The following S100B variants were observed in gnomAD, a reference collection of about 807,000 sequenced individuals.
The protein encoded by S100B is protein S100-B.
S100B carries 6 observed loss-of-function variants against 7.7 expected under a neutral mutation model. The ratio of observed to expected loss-of-function variants is 0.78; its 90% CI spans 0.43 to 1.54. The LOEUF is 1.54. Ranked by LOEUF, S100B falls within the 40% of genes most tolerant of loss-of-function variation. S100B has a pLI of 0.01. For synonymous variants in S100B, 36 were observed against 40.4 expected, an observed-to-expected ratio of 0.89 and a Z score of 0.41; for missense variants, 99 against 111.8, an observed-to-expected ratio of 0.89 and a Z score of 0.52.
intron 2 of S100B, among the ~76,000 whole-genome samples, chr21:46,601,643 GC>G (rs1422321415): frequency 2.0e-5 from 3 of 152,186 alleles, no homozygotes; most frequent in African/African-American, 7.2e-5. Context: ...TAAAGTAGGG[GC>G]CCCAACTAAA....
At chr21:46,603,394 G>GGGGTGGGGGGAGGGGGGGGCGGGGGGT (rs1555923747) in intron 1 of S100B, among the ~76,000 whole-genome samples, 1 of 140,708 alleles carries the variant, frequency 7.1e-6, no homozygotes, top group Non-Finnish European at 1.6e-5. Flanking sequence ...ACGGCGGGAG[G>GGGGTGGGGGGAGGGGGGGGCGGGGGGT]GGGTGGGGGC....
rs748602559 is a variant in S100B, at chr21:46,599,473, C to T, written c.169G>A (p.Val57Ile). Residue 57 changes from valine to isoleucine, a missense_variant, in exon 3 of 3, where the codon GTC becomes ATC. Val to Ile is a conservative substitution (Grantham distance 29, BLOSUM62 3). Coordinates refer to ENST00000291700, the MANE Select transcript of S100B (RefSeq NM_006272.3). ...EIKEQEVVDK[V>I]METLDNDGDG... is the part of the protein sequence containing the mutation. ...CCATCATTGTCCAGTGTTTCCATGA[C>T]TTTGTCCACAACCTCCTGCTCTTTG... 1 of 1,614,146 alleles carries T rather than the reference C, an allele frequency of 6.2e-7. No homozygotes were observed. The highest frequency in any genetic ancestry group is 1.7e-5 in the Admixed American group (1 of 60,024).
Position 46,602,139 on chromosome 21 carries a change from A to G in S100B, c.138+139T>C, listed in dbSNP as rs895757382. ...CCCACACTGAGGGTTCCGTTACTCAAACAAGTTTGCAGAAGCAGCCCAGGA... is the reference window on the plus strand; with the variant it reads ...CCCACACTGAGGGTTCCGTTACTCAGACAAGTTTGCAGAAGCAGCCCAGGA... On this transcript the variant is annotated intron_variant, in intron 2 of 2. Coordinates refer to ENST00000291700, the MANE Select transcript of S100B (RefSeq NM_006272.3). The G allele has an allele frequency of 7.9e-6, 6 of 760,736 alleles. No homozygotes were observed. The Admixed American group carries it at 1.4e-4, about 18-fold the overall frequency. 47.1% of individuals were successfully genotyped at this position (760,736 alleles called of 1,614,324 possible).
intron 1 of S100B, among the ~76,000 whole-genome samples, chr21:46,603,398 T>TGGGGGGAGGG: frequency 1.1e-3 from 55 of 52,024 alleles, no homozygotes; most frequent in South Asian, 2.1e-3. Context: ...CGGGAGGGGG[T>TGGGGGGAGGG]GGGGGCAGGA....
intron 2 of S100B, among the ~76,000 whole-genome samples, chr21:46,600,022 T>A (rs2061037144): frequency 6.6e-6 from 1 of 152,200 alleles, no homozygotes. Context: ...TCATGAAACT[T>A]TTTCCTGACA....
At chr21:46,602,706 GAAACTGGCAAAAATACAGAGGC>G (rs1185248457) in intron 1 of S100B, 7 of 281,086 alleles carry the variant, frequency 2.5e-5, no homozygotes, top group Non-Finnish European at 4.7e-5. Context: ...GGCCAACAGG[GAAACTGGCAAAAATACAGAGGC>G]AGAGCAGCAA....
chr21:46,603,522 C>T (rs1043843710), intron 1 of S100B, among the ~76,000 whole-genome samples: 4 of 151,784 alleles, frequency 2.6e-5, no homozygotes, highest in East Asian at 1.9e-4. Context: ...GGGAATGAGG[C>T]GCATTTTACA....
chr21:46,603,392 A>AGGGGGTGGGGGGAGGGGGGGGGGGGGGG (rs796474856), intron 1 of S100B, among the ~76,000 whole-genome samples: 1 of 38,206 alleles, frequency 2.6e-5, no homozygotes, highest in Non-Finnish European at 4.9e-5. Context: ...GGACGGCGGG[A>AGGGGGTGGGGGGAGGGGGGGGGGGGGGG]GGGGGTGGGG....
At position 46,599,337 on chromosome 21, in the gene S100B, A is replaced by T; in HGVS notation, c.*26T>A. On this transcript the variant is annotated 3_prime_UTR_variant, in exon 3 of 3. Coordinates refer to ENST00000291700, the MANE Select transcript of S100B (RefSeq NM_006272.3). Reference sequence around the variant, plus strand: ...TTTCTTGCATGACCGTCTCTGTTACAGGAAAGGTTTGGCTGCTTTCTAATC... The same window carrying T: ...TTTCTTGCATGACCGTCTCTGTTACTGGAAAGGTTTGGCTGCTTTCTAATC... 1.2e-6 allele frequency: 2 copies of T among 1,609,270 alleles called. No homozygotes were observed. The highest frequency in any genetic ancestry group is 1.7e-4 in the Middle Eastern group (1 of 6,046).
chr21:46,604,799 T>G (rs1329718996), intron 1 of S100B, among the ~76,000 whole-genome samples: 1 of 152,144 alleles, frequency 6.6e-6, no homozygotes, highest in Non-Finnish European at 1.5e-5. Flanking sequence ...AAAACACACC[T>G]CTAGCTGTCT....
intron 1 of S100B, among the ~76,000 whole-genome samples, chr21:46,603,877 T>A (rs1294649203): frequency 6.6e-6 from 1 of 152,234 alleles, no homozygotes; most frequent in Admixed American, 6.5e-5. Context: ...AATAGAACAA[T>A]TAAGATGGAT....
At position 46,599,461 on chromosome 21, in the gene S100B, G is replaced by C; in HGVS notation, c.181C>G (p.Leu61Val). Reference sequence around the variant, plus strand: ...CATTCGCCGTCTCCATCATTGTCCAGTGTTTCCATGACTTTGTCCACAACC... The same window carrying C: ...CATTCGCCGTCTCCATCATTGTCCACTGTTTCCATGACTTTGTCCACAACC... ...QEVVDKVMETLDNDGDGECDF... is the reference protein window; with the variant it reads ...QEVVDKVMETVDNDGDGECDF... The change falls in exon 3 of 3, where the codon CTG becomes GTG. Residue 61 changes from leucine (L) to valine (V), a missense_variant. By Grantham distance (32) the Leu-to-Val change is conservative. Transcript: ENST00000291700. The C allele has an allele frequency of 6.2e-7, 1 of 1,613,904 alleles. No homozygotes were observed.
rs2148943407 is a variant in S100B, at chr21:46,599,158, C to G, written c.*205G>C. On this transcript the variant is annotated 3_prime_UTR_variant, in exon 3 of 3. Transcript: ENST00000291700. ...TGGGGCCAGTCAGCTTACACACAGG[C>G]CTAATATAGCAGAAAGAATGATGCA... The G allele has an allele frequency of 1.7e-6, 1 of 590,960 alleles. No individual in the cohort carries two copies. The highest frequency in any genetic ancestry group is 2.8e-5 in the East Asian group (1 of 35,122). 36.6% of individuals were successfully genotyped at this position (590,960 alleles called of 1,614,324 possible). A position where few individuals can be genotyped will look rare whatever the true frequency, so the allele number is the denominator to read the frequency against.
intron 1 of S100B, among the ~76,000 whole-genome samples, chr21:46,603,392 A>AGGGGGTGGGGGTGGGG (rs796474856): frequency 2.6e-5 from 1 of 38,206 alleles, no homozygotes; most frequent in Non-Finnish European, 4.9e-5. Flanking sequence ...GGACGGCGGG[A>AGGGGGTGGGGGTGGGG]GGGGGTGGGG....
Position 46,599,259 on chromosome 21 carries a change from C to CA in S100B, c.*103dup. The CA allele has an allele frequency of 9.4e-7, 1 of 1,061,148 alleles. No homozygotes were observed. 65.7% of individuals were successfully genotyped at this position (1,061,148 alleles called of 1,614,324 possible). On this transcript the variant is annotated 3_prime_UTR_variant, in exon 3 of 3. Coordinates refer to ENST00000291700, the MANE Select transcript of S100B (RefSeq NM_006272.3). ...GCAAATCAAGCTTCCTAATTAGCTA[C>CA]AACACGGCTGGAAAGCTCAGCTCCT...
chr21:46,603,845 C>T (rs1396094300), intron 1 of S100B, among the ~76,000 whole-genome samples: 3 of 151,962 alleles, frequency 2.0e-5, no homozygotes, highest in African/African-American at 7.3e-5. Context: ...CTCTTGAGTC[C>T]CTAAAAATTT....
chr21:46,598,992 G>A lies in S100B; in HGVS notation c.*371C>T, dbSNP rs1045810812. The A allele has an allele frequency of 4.7e-6, 1 of 212,834 alleles. No homozygotes were observed. The highest frequency in any genetic ancestry group is 5.7e-5 in the Admixed American group (1 of 17,638). 13.2% of individuals were successfully genotyped at this position (212,834 alleles called of 1,614,324 possible). A position where few individuals can be genotyped will look rare whatever the true frequency, so the allele number is the denominator to read the frequency against. ...GATAAGGCTTTGTTTTTTAAAGGTA[G>A]TGGAAGTTTTAAGGGTGCCCCGGGG... On this transcript the variant is annotated 3_prime_UTR_variant, in exon 3 of 3. Transcript: ENST00000291700.
intron 2 of S100B, among the ~76,000 whole-genome samples, 199 bp downstream of exon 2, chr21:46,602,079 A>G (rs2061042708): frequency 6.6e-6 from 1 of 152,206 alleles, no homozygotes; most frequent in Non-Finnish European, 1.5e-5. Context: ...GATGGTTGAT[A>G]AGGAAATGAA....
At chr21:46,599,532 T>C in intron 2 of S100B, 29 bp from the exon 3 acceptor site, 1 of 1,611,506 alleles carries the variant, frequency 6.2e-7, no homozygotes, top group South Asian at 1.1e-5. Context: ...GTTGCCGACC[T>C]TGTTTTTAAA....
Sources: gnomAD v4.1 joint callset for allele counts (sites outside exome capture counted in the v4.1 genomes callset) on GRCh38, gnomAD v4.1.1 for gene constraint, MANE v1.5 for transcripts, NCBI Gene and HGNC (gene_info 2026-07-23, HGNC 2026-07-21) for gene names.